ALK: variants seen among roughly 807,000 people sequenced by gnomAD.
The protein encoded by ALK is ALK receptor tyrosine kinase, also known as ALK tyrosine kinase receptor.
A neutral mutation model predicts 163.1 loss-of-function variants in ALK; 74 were observed. The ratio of observed to expected loss-of-function variants is 0.45; its 90% CI spans 0.38 to 0.55. The LOEUF is 0.55. ALK is among the 20% of genes least tolerant of loss of function. The pLI, the probability that ALK is intolerant of heterozygous loss-of-function variation, is 0.00. For synonymous variants in ALK, 960 were observed against 843.2 expected (o/e 1.14, Z -2.40); for missense variants, 2,063 against 2,105.3 (o/e 0.98, Z 0.39).
intron 5 of ALK, among the ~76,000 whole-genome samples, chr2:29,338,092 G>C (rs1322735748): frequency 6.6e-6 from 1 of 152,122 alleles, no homozygotes; most frequent in Non-Finnish European, 1.5e-5. Flanking sequence ...TATGGAGGGT[G>C]GATGGGAAGG....
chr2:29,466,387 C>CA (rs1671215222), intron 4 of ALK, among the ~76,000 whole-genome samples: 1 of 152,078 alleles, frequency 6.6e-6, no homozygotes, highest in Non-Finnish European at 1.5e-5. Flanking sequence ...TCACACTCAC[C>CA]AAGCTTTATC....
At chr2:29,630,701 T>C (rs1488753627) in intron 3 of ALK, among the ~76,000 whole-genome samples, 1 of 152,228 alleles carries the variant, frequency 6.6e-6, no homozygotes, top group Admixed American at 6.5e-5. Context: ...TGAAGAGTTA[T>C]ATTTTCACAG....
At chr2:29,739,389 C>A (rs191567292) in intron 1 of ALK, among the ~76,000 whole-genome samples, 316 of 151,382 alleles carry the variant, frequency 2.1e-3, no homozygotes, top group Non-Finnish European at 3.4e-3. Context: ...GAAACACCGT[C>A]TCTACTAAAA....
intron 4 of ALK, among the ~76,000 whole-genome samples, chr2:29,513,013 T>C (rs1468058961): frequency 6.6e-6 from 1 of 151,404 alleles, no homozygotes; most frequent in African/African-American, 2.4e-5. Context: ...TGCAAACAAA[T>C]GGAAGAACAT....
chr2:29,569,443 T>C (rs547772366), intron 3 of ALK, among the ~76,000 whole-genome samples: 9 of 152,292 alleles, frequency 5.9e-5, no homozygotes, highest in African/African-American at 2.2e-4. Flanking sequence ...TCCTTGTCTA[T>C]AGAATGGGTT....
At chr2:29,698,497 T>G (rs1490668627) in intron 2 of ALK, among the ~76,000 whole-genome samples, 1 of 152,226 alleles carries the variant, frequency 6.6e-6, no homozygotes, top group Non-Finnish European at 1.5e-5. Context: ...CTTCGACTTC[T>G]GCGGCCATCC....
chr2:29,226,871 C>T (rs2148178135), intron 18 of ALK, 51 bp downstream of exon 18: 1 of 1,611,090 alleles, frequency 6.2e-7, no homozygotes, highest in Non-Finnish European at 8.5e-7. Flanking sequence ...TGGTCATGGG[C>T]CAAATCTCAG....
chr2:29,346,211 G>C (rs958179105), intron 5 of ALK, among the ~76,000 whole-genome samples: 7 of 152,046 alleles, frequency 4.6e-5, no homozygotes, highest in African/African-American at 1.7e-4. Context: ...ACTCTTCCAA[G>C]CCCTTTCATG....
chr2:29,412,501 C>T (rs773940024), intron 4 of ALK, among the ~76,000 whole-genome samples: 1 of 152,204 alleles, frequency 6.6e-6, no homozygotes, highest in Admixed American at 6.5e-5. Flanking sequence ...TTGACTTAGT[C>T]ACCTTATGGA....
At chr2:29,594,773 C>T (rs1028442947) in intron 3 of ALK, among the ~76,000 whole-genome samples, 1 of 151,792 alleles carries the variant, frequency 6.6e-6, no homozygotes, top group Non-Finnish European at 1.5e-5. Flanking sequence ...CATGCCCTAG[C>T]TCACTACTGG....
chr2:29,540,592 TAA>T (rs76226915), intron 3 of ALK, among the ~76,000 whole-genome samples: 3,346 of 143,036 alleles, frequency 0.023, 104 homozygotes, highest in African/African-American at 0.072. Flanking sequence ...TTTTTTTTTT[TAA>T]AAAAAAAAAA....
At chr2:29,390,376 T>G (rs1020950727) in intron 4 of ALK, among the ~76,000 whole-genome samples, 6 of 152,164 alleles carry the variant, frequency 3.9e-5, no homozygotes, top group Non-Finnish European at 7.3e-5. Context: ...CCCTGTCACA[T>G]AGAACACAGT....
At chr2:29,769,373 TAG>T (rs1428808904) in intron 1 of ALK, among the ~76,000 whole-genome samples, 1 of 152,058 alleles carries the variant, frequency 6.6e-6, no homozygotes, top group Non-Finnish European at 1.5e-5. Context: ...TCATGACAAA[TAG>T]AGAGTAAGGA....
intron 3 of ALK, among the ~76,000 whole-genome samples, chr2:29,647,775 C>CTTTTTTTTTTT (rs34620705): frequency 8.5e-6 from 1 of 117,210 alleles, no homozygotes; most frequent in Non-Finnish European, 1.7e-5. Flanking sequence ...ATGATTTTTT[C>CTTTTTTTTTTT]TTTTTTTTTT....
At chr2:29,810,422 CAAAA>C (rs1252589204) in intron 1 of ALK, among the ~76,000 whole-genome samples, 1 of 53,232 alleles carries the variant, frequency 1.9e-5, no homozygotes, top group Admixed American at 2.0e-4. Context: ...AACTCCATCT[CAAAA>C]AAAAAAAAAA....
At chr2:29,550,691 A>T (rs551526786) in intron 3 of ALK, among the ~76,000 whole-genome samples, 1 of 152,296 alleles carries the variant, frequency 6.6e-6, no homozygotes, top group Admixed American at 6.5e-5. Flanking sequence ...ATATAGGGAC[A>T]AATAATACTT....
intron 12 of ALK, among the ~76,000 whole-genome samples, chr2:29,249,931 T>TA (rs1006443051): frequency 1.3e-5 from 2 of 152,160 alleles, no homozygotes; most frequent in Non-Finnish European, 2.9e-5. Flanking sequence ...GAGTGCCATT[T>TA]AAAAAGCACT....
intron 4 of ALK, among the ~76,000 whole-genome samples, chr2:29,472,889 T>C (rs1671381233): frequency 6.6e-6 from 1 of 152,188 alleles, no homozygotes; most frequent in Admixed American, 6.5e-5. Context: ...ATTTATCATG[T>C]GTTAAGGACT....
chr2:29,498,760 A>G (rs1286041368), intron 4 of ALK, among the ~76,000 whole-genome samples: 2 of 152,232 alleles, frequency 1.3e-5, no homozygotes, highest in Admixed American at 6.5e-5. Context: ...TAAGTATGTA[A>G]TGACATTATT....
Sources: allele counts gnomAD v4.1 joint callset (sites outside exome capture counted in the v4.1 genomes callset), GRCh38; gene constraint gnomAD v4.1.1; transcripts MANE v1.5; gene names NCBI Gene and HGNC (gene_info 2026-07-23, HGNC 2026-07-21).